EEF1AKMT1: variants seen among roughly 807,000 people sequenced by gnomAD.
EEF1AKMT1 encodes N-6 adenine-specific DNA methyltransferase 2 (putative).
In EEF1AKMT1, 18 loss-of-function variants were observed where a neutral mutation model predicts 21.0. The ratio of observed to expected loss-of-function variants is 0.86; its 90% CI spans 0.59 to 1.27. The LOEUF (loss-of-function observed/expected upper bound fraction) is 1.27, where lower values mean the gene tolerates loss of function less well. Ranked by LOEUF, EEF1AKMT1 falls within the 50% of genes most tolerant of loss-of-function variation. The pLI is 0.00. For missense variants in EEF1AKMT1, 246 were observed against 258.6 expected (o/e 0.95, Z 0.33); for synonymous variants, 109 against 94.8 (o/e 1.15, Z -0.87).
intron 3 of EEF1AKMT1, among the ~76,000 whole-genome samples, chr13:20,734,389 C>T (rs1437700863): frequency 6.6e-6 from 1 of 152,042 alleles, no homozygotes; most frequent in Non-Finnish European, 1.5e-5. Context: ...TTGCCACTTC[C>T]CACTGGGTGA....
At chr13:20,770,303 G>A (rs2059056333) in intron 1 of EEF1AKMT1, among the ~76,000 whole-genome samples, 1 of 152,002 alleles carries the variant, frequency 6.6e-6, no homozygotes, top group African/African-American at 2.4e-5. Flanking sequence ...AGGGGCTGGG[G>A]GGAGGGGAGA....
chr13:20,763,847 G>C (rs897078008), intron 1 of EEF1AKMT1, among the ~76,000 whole-genome samples: 1 of 152,132 alleles, frequency 6.6e-6, no homozygotes, highest in East Asian at 1.9e-4. Flanking sequence ...GTGAGTTCTC[G>C]TAGTTTGTAG....
At chr13:20,733,803 T>G (rs936239505) in intron 3 of EEF1AKMT1, among the ~76,000 whole-genome samples, 12 of 152,206 alleles carry the variant, frequency 7.9e-5, no homozygotes, top group African/African-American at 2.9e-4. Flanking sequence ...GATTTTTATA[T>G]GTGCATACAC....
intron 2 of EEF1AKMT1, 37 bp downstream of exon 2, chr13:20,757,418 C>T (rs1240249171): frequency 6.2e-7 from 1 of 1,610,706 alleles, no homozygotes; most frequent in African/African-American, 1.3e-5. Context: ...GGTTCCACAT[C>T]AATACTTCCT....
intron 1 of EEF1AKMT1, among the ~76,000 whole-genome samples, chr13:20,766,637 T>C (rs537534937): frequency 3.2e-4 from 49 of 151,854 alleles, no homozygotes; most frequent in African/African-American, 1.0e-3. Flanking sequence ...GCCTGACCAA[T>C]ATGGTGAAAT....
chr13:20,748,728 T>TG (rs1412112016), intron 2 of EEF1AKMT1, among the ~76,000 whole-genome samples: 2 of 122,742 alleles, frequency 1.6e-5, no homozygotes, highest in South Asian at 2.9e-4. Flanking sequence ...TTTTTTTGGT[T>TG]TTTTTTTTTT....
At chr13:20,772,859 C>T (rs2059069307) in intron 1 of EEF1AKMT1, among the ~76,000 whole-genome samples, 1 of 152,134 alleles carries the variant, frequency 6.6e-6, no homozygotes, top group Admixed American at 6.5e-5. Context: ...GGCAAAACCA[C>T]CATACTGTAA....
intron 2 of EEF1AKMT1, among the ~76,000 whole-genome samples, chr13:20,751,121 A>G (rs915685478): frequency 1.3e-5 from 2 of 152,128 alleles, no homozygotes; most frequent in Admixed American, 6.5e-5. Context: ...ACACATCTCA[A>G]TGGGTTGCCT....
chr13:20,733,534 A>G (rs2058809958), intron 3 of EEF1AKMT1, among the ~76,000 whole-genome samples: 1 of 152,224 alleles, frequency 6.6e-6, no homozygotes, highest in South Asian at 2.1e-4. Flanking sequence ...TACAATGGAA[A>G]GTTCTGTGGC....
At chr13:20,768,231 T>C (rs893679262) in intron 1 of EEF1AKMT1, among the ~76,000 whole-genome samples, 3 of 152,238 alleles carry the variant, frequency 2.0e-5, no homozygotes, top group African/African-American at 4.8e-5. Flanking sequence ...TGTATTCCTA[T>C]GTAAGTATTC....
intron 1 of EEF1AKMT1, among the ~76,000 whole-genome samples, chr13:20,759,077 A>G (rs994480403): frequency 6.6e-6 from 1 of 152,230 alleles, no homozygotes. Context: ...TCAAGGAGAA[A>G]ACTTAAGAAA....
intron 1 of EEF1AKMT1, among the ~76,000 whole-genome samples, chr13:20,759,850 A>G (rs2058990946): frequency 1.3e-5 from 2 of 152,154 alleles, no homozygotes; most frequent in Admixed American, 6.5e-5. Flanking sequence ...CATGCCTGTA[A>G]TCCCAGCACT....
intron 4 of EEF1AKMT1, among the ~76,000 whole-genome samples, chr13:20,729,501 C>CAT (rs1042218072): frequency 1.2e-4 from 18 of 152,058 alleles, no homozygotes; most frequent in Admixed American, 1.0e-3. Flanking sequence ...CACACACACA[C>CAT]ACACACGTAC....
chr13:20,730,218 G>A (rs576031000), intron 4 of EEF1AKMT1, among the ~76,000 whole-genome samples: 301 of 152,346 alleles, frequency 2.0e-3, no homozygotes, highest in Non-Finnish European at 3.1e-3. Flanking sequence ...GCCTGCTGGT[G>A]CACAGAGCAC....
chr13:20,752,303 T>C (rs1361855443), intron 2 of EEF1AKMT1, among the ~76,000 whole-genome samples: 1 of 152,172 alleles, frequency 6.6e-6, no homozygotes, highest in Non-Finnish European at 1.5e-5. Context: ...TAGCCTTTAT[T>C]ATGATGAGGT....
intron 1 of EEF1AKMT1, among the ~76,000 whole-genome samples, chr13:20,760,822 TAAC>T (rs981413820): frequency 6.6e-6 from 1 of 152,232 alleles, no homozygotes; most frequent in Non-Finnish European, 1.5e-5. Flanking sequence ...CTAATTTAGA[TAAC>T]AATTTAAATT....
At chr13:20,764,917 A>C (rs9550668) in intron 1 of EEF1AKMT1, among the ~76,000 whole-genome samples, 13 of 146,392 alleles carry the variant, frequency 8.9e-5, no homozygotes, top group African/African-American at 1.3e-4. Context: ...ACACACACAC[A>C]CCCTAATTTT....
intron 2 of EEF1AKMT1, among the ~76,000 whole-genome samples, chr13:20,748,969 T>C (rs2058926400): frequency 6.6e-6 from 1 of 152,076 alleles, no homozygotes; most frequent in African/African-American, 2.4e-5. Context: ...CCTCAGGAGA[T>C]CTACCCCGCT....
At chr13:20,739,029 G>A (rs1242754096) in intron 2 of EEF1AKMT1, among the ~76,000 whole-genome samples, 1 of 152,136 alleles carries the variant, frequency 6.6e-6, no homozygotes, top group African/African-American at 2.4e-5. Flanking sequence ...TCCTTCTGAT[G>A]TTCAGACGTA....
Sources: allele counts gnomAD v4.1 joint callset (sites outside exome capture counted in the v4.1 genomes callset), GRCh38; gene constraint gnomAD v4.1.1; transcripts MANE v1.5; gene names NCBI Gene and HGNC (gene_info 2026-07-23, HGNC 2026-07-21).